Variants in EP400 observed in about 807,000 individuals in gnomAD.
EP400 encodes E1A-binding protein p400.
In EP400, 105 loss-of-function variants were observed where a neutral mutation model predicts 354.1. That is an observed-to-expected ratio of 0.30 (90% CI 0.25 to 0.35). The LOEUF (loss-of-function observed/expected upper bound fraction) is 0.35, where lower values mean the gene tolerates loss of function less well. Ranked by LOEUF, EP400 falls within the 10% of genes least tolerant of loss-of-function variation. The pLI is 1.00. For missense variants in EP400, 3,280 were observed against 4,121.0 expected (o/e 0.80, Z 5.59); for synonymous variants, 1,646 against 1,716.9 (o/e 0.96, Z 1.02).
intron 3 of EP400, among the ~76,000 whole-genome samples, chr12:131,980,322 G>A (rs183315899): frequency 1.5e-3 from 226 of 152,222 alleles, no homozygotes; most frequent in African/African-American, 4.9e-3. Context: ...GTTGAGATGC[G>A]ATCATATATA....
At chr12:132,045,083 C>T in intron 37 of EP400, 130 bp downstream of exon 37, 2 of 1,396,556 alleles carry the variant, frequency 1.4e-6, no homozygotes, top group East Asian at 4.9e-5. Flanking sequence ...ATCACACGCC[C>T]ATCCGCTGCC....
intron 39 of EP400, 98 bp downstream of exon 39, chr12:132,045,998 C>T: frequency 7.0e-7 from 1 of 1,420,334 alleles, no homozygotes; most frequent in Non-Finnish European, 9.6e-7. Context: ...ACTGACTGGG[C>T]TCCTTCATCC....
Position 131,992,182 on chromosome 12 carries a change from A to G in EP400, c.2689A>G (p.Met897Val), listed in dbSNP as rs753865457. 28 of 1,608,416 alleles carry G rather than the reference A, an allele frequency of 1.7e-5. No individual in the cohort carries two copies. Among genetic ancestry groups the G allele is most frequent in the East Asian group, 8.9e-5 (4 of 44,888 alleles). ...CTTTCTTTTCTTTCAGGATTCAGGA[A>G]TGTCTGGAAGAAAAAGAAAAGCTAG... ...ALQESSLDSGMSGRKRKASIS... is the reference protein window; with the variant it reads ...ALQESSLDSGVSGRKRKASIS... Residue 897 changes from methionine to valine, a missense_variant, in exon 11 of 53, where the codon ATG (methionine) becomes GTG (valine). Transcript: ENST00000389561.
chr12:132,033,849 C>G (rs940327208), intron 30 of EP400, among the ~76,000 whole-genome samples: 2 of 152,152 alleles, frequency 1.3e-5, no homozygotes, highest in African/African-American at 4.8e-5. Context: ...TGTTTTTTAA[C>G]AAGATGGTTG....
At chr12:132,009,790 A>G (rs1028726001) in intron 15 of EP400, among the ~76,000 whole-genome samples, 3 of 151,216 alleles carry the variant, frequency 2.0e-5, no homozygotes, top group Admixed American at 6.6e-5. Flanking sequence ...CAGCTTCCCA[A>G]ATAGCTGGGA....
intron 16 of EP400, 41 bp from the exon 17 acceptor site, chr12:132,012,968 G>T: frequency 6.6e-7 from 1 of 1,524,980 alleles, no homozygotes; most frequent in South Asian, 1.3e-5. Flanking sequence ...TTGAAAGACA[G>T]TGGAGTGTGA....
chr12:132,060,730 C>T (rs1477553841), intron 45 of EP400, among the ~76,000 whole-genome samples: 2 of 152,100 alleles, frequency 1.3e-5, no homozygotes, highest in Non-Finnish European at 2.9e-5. Flanking sequence ...GCCTGACCAA[C>T]ATGGAGAAAC....
intron 45 of EP400, among the ~76,000 whole-genome samples, chr12:132,056,269 G>A (rs1895512284): frequency 6.6e-6 from 1 of 152,140 alleles, no homozygotes; most frequent in African/African-American, 2.4e-5. Context: ...GCTTTGGCAA[G>A]TAGAATGTAG....
Position 132,013,000 on chromosome 12 carries a change from G to C in EP400, c.3442-9G>C, listed in dbSNP as rs1224091491. On this transcript the variant is annotated splice_polypyrimidine_tract_variant and intron_variant, in intron 16 of 52. Coordinates refer to ENST00000389561, the MANE Select transcript of EP400 (RefSeq NM_015409.5). Reference sequence around the variant, plus strand: ...GTGAAGGCACTGAGCTGTCCTCTCTGTGCTGCAGGAGTGGGCCGAACCCAA... The same window carrying C: ...GTGAAGGCACTGAGCTGTCCTCTCTCTGCTGCAGGAGTGGGCCGAACCCAA... The C allele has an allele frequency of 6.2e-7, 1 of 1,603,116 alleles. No homozygotes were observed. Among genetic ancestry groups the C allele is most frequent in the Non-Finnish European group, 8.5e-7 (1 of 1,173,558 alleles).
intron 11 of EP400, among the ~76,000 whole-genome samples, chr12:131,993,490 A>G (rs539004043): frequency 1.4e-3 from 208 of 152,224 alleles, no homozygotes; most frequent in African/African-American, 4.9e-3. Flanking sequence ...TCTGGCCTGC[A>G]CTCTGGTAGC....
chr12:132,011,249 G>A (rs776943625), intron 15 of EP400, among the ~76,000 whole-genome samples: 1 of 152,182 alleles, frequency 6.6e-6, no homozygotes, highest in African/African-American at 2.4e-5. Flanking sequence ...TTCAATGTGT[G>A]TCTACTAAGG....
intron 51 of EP400, among the ~76,000 whole-genome samples, chr12:132,071,315 A>G (rs968339851): frequency 2.0e-5 from 3 of 151,940 alleles, no homozygotes; most frequent in African/African-American, 7.3e-5. Context: ...GTCTGTAGCC[A>G]CTTACTGTCC....
intron 2 of EP400, 73 bp from the exon 3 acceptor site, chr12:131,979,621 T>C (rs1892610293): frequency 7.4e-7 from 1 of 1,356,812 alleles, no homozygotes; most frequent in Non-Finnish European, 1.0e-6. Context: ...TTTGGGATAA[T>C]TATGATAATT....
intron 12 of EP400, among the ~76,000 whole-genome samples, chr12:132,003,071 T>A (rs1382662900): frequency 6.7e-6 from 1 of 149,896 alleles, no homozygotes; most frequent in Non-Finnish European, 1.5e-5. Flanking sequence ...CACAGCTGGG[T>A]GTGGTGGCTC....
In EP400 at chr12:132,044,130, T is replaced by A. The variant is rs1260729725; in HGVS notation, c.6451-47T>A. 3.7e-6 allele frequency: 6 copies of A among 1,606,028 alleles called. No individual in the cohort carries two copies. The Admixed American group carries it at 1.0e-4, about 27-fold the overall frequency. ...TGGAGCAGGGACTCGGGGGCTGCTC[T>A]GAGCTGCACTCCTGATCCTGAAAGT... On this transcript the variant is annotated intron_variant, in intron 34 of 52. Coordinates refer to ENST00000389561, the MANE Select transcript of EP400 (RefSeq NM_015409.5).
intron 2 of EP400, among the ~76,000 whole-genome samples, chr12:131,966,521 C>T (rs1191208778): frequency 6.8e-6 from 1 of 146,840 alleles, no homozygotes; most frequent in Non-Finnish European, 1.5e-5. Context: ...TGAGACAGCG[C>T]CACTGCACAC....
Position 132,006,131 on chromosome 12 carries a change from C to G in EP400, c.2955C>G (p.Gly985=). 2 of 1,614,008 alleles carry G rather than the reference C, an allele frequency of 1.2e-6. No homozygotes were observed. The highest frequency in any genetic ancestry group is 1.7e-6 in the Non-Finnish European group (2 of 1,179,908). The change falls in exon 14 of 53, where the codon GGC becomes GGG. Residue 985 remains glycine, a synonymous_variant. Coordinates refer to ENST00000389561, the MANE Select transcript of EP400 (RefSeq NM_015409.5). ...TTACAGATGCAGATGACTGTCCAGGCGACAGGGAGAGTCGCAAGGACTTGG... is the reference window on the plus strand; with the variant it reads ...TTACAGATGCAGATGACTGTCCAGGGGACAGGGAGAGTCGCAAGGACTTGG... The part of the protein sequence containing the change: ...SGEEDADDCP[G]DRESRKDLVL...
Position 131,977,412 on chromosome 12 carries a change from C to T in EP400, c.1336-2282C>T, listed in dbSNP as rs112078199. On this transcript the variant is annotated intron_variant, in intron 2 of 52. Transcript: ENST00000389561. ...CCTCCCAAAGTGCTGGGATTACAGG[C>T]GTGAGCCACCATGCCCGGCCTTGTT... 3.5e-3 allele frequency among the ~76,000 whole-genome samples: 529 copies of T among 151,864 alleles called. 1 individual carries two copies. Among genetic ancestry groups the T allele is most frequent in the African/African-American group, 0.012 (494 of 41,416 alleles).
intron 32 of EP400, 143 bp from the exon 33 acceptor site, chr12:132,043,161 T>C: frequency 2.4e-6 from 2 of 830,530 alleles, no homozygotes; most frequent in Non-Finnish European, 3.6e-6. Context: ...TAAGAGGACC[T>C]CAGGGAAGGA....
Sources: allele counts gnomAD v4.1 joint callset (sites outside exome capture counted in the v4.1 genomes callset), GRCh38; gene constraint gnomAD v4.1.1; transcripts MANE v1.5; gene names NCBI Gene and HGNC (gene_info 2026-07-23, HGNC 2026-07-21).